NR3C2: variants seen among roughly 807,000 people sequenced by gnomAD.
NR3C2 encodes the protein nuclear receptor subfamily 3 group C member 2, also known as mineralocorticoid receptor.
Under a neutral mutation model 86.4 loss-of-function variants are expected in NR3C2, and 15 were observed. That is an observed-to-expected ratio of 0.17 (90% CI 0.12 to 0.27). NR3C2 has a LOEUF of 0.27. NR3C2 is among the 10% of genes least tolerant of loss of function. NR3C2 has a pLI of 1.00. For synonymous variants in NR3C2, 458 were observed against 450.5 expected, an observed-to-expected ratio of 1.02 and a Z score of -0.21; for missense variants, 960 against 1,195.6, an observed-to-expected ratio of 0.80 and a Z score of 2.91.
At chr4:148,381,442 C>A (rs1174991678) in intron 2 of NR3C2, among the ~76,000 whole-genome samples, 1 of 152,078 alleles carries the variant, frequency 6.6e-6, no homozygotes, top group Non-Finnish European at 1.5e-5. Flanking sequence ...CTTCTGTGAC[C>A]CTTCTACTTG....
At chr4:148,246,746 T>C (rs568684454) in intron 3 of NR3C2, among the ~76,000 whole-genome samples, 1 of 152,070 alleles carries the variant, frequency 6.6e-6, no homozygotes, top group African/African-American at 2.4e-5. Flanking sequence ...AGAGACAGGG[T>C]TTCACCATGT....
At chr4:148,263,835 TCTC>T (rs1740248004) in intron 2 of NR3C2, among the ~76,000 whole-genome samples, 1 of 152,134 alleles carries the variant, frequency 6.6e-6, no homozygotes, top group Admixed American at 6.5e-5. Context: ...CACTCTCCCT[TCTC>T]CTAACTCCTT....
chr4:148,233,974 C>T (rs1738601158), intron 3 of NR3C2, among the ~76,000 whole-genome samples: 1 of 152,068 alleles, frequency 6.6e-6, no homozygotes, highest in Non-Finnish European at 1.5e-5. Context: ...TGTCACAAAC[C>T]TTCAATCTGA....
intron 2 of NR3C2, among the ~76,000 whole-genome samples, chr4:148,317,319 C>T (rs983487192): frequency 2.9e-4 from 42 of 147,346 alleles, no homozygotes; most frequent in African/African-American, 1.0e-3. Flanking sequence ...CGCACCATTG[C>T]ACTTGAGCCT....
chr4:148,334,814 C>T (rs565841326), intron 2 of NR3C2, among the ~76,000 whole-genome samples: 3 of 152,228 alleles, frequency 2.0e-5, no homozygotes, highest in South Asian at 2.1e-4. Flanking sequence ...GCTAGAAGTC[C>T]GAGTTCGAGA....
chr4:148,283,473 G>A (rs1476657133), intron 2 of NR3C2, among the ~76,000 whole-genome samples: 2 of 152,134 alleles, frequency 1.3e-5, no homozygotes, highest in African/African-American at 4.8e-5. Context: ...AACTCTCAGT[G>A]TTTTTCCCAT....
In NR3C2 at chr4:148,089,252, C is replaced by T. The variant is rs546102821; in HGVS notation, c.2800-7753G>A. On this transcript the variant is annotated intron_variant, in intron 8 of 8. Transcript: ENST00000358102. ...GTCTGCAGAGTGGTATTTTCCTAAT[C>T]AGCTACCAAGGACTGTGGGGTTTAA... is the stretch of plus-strand genomic sequence containing the variant. 1.4e-3 allele frequency among the ~76,000 whole-genome samples: 215 copies of T among 152,314 alleles called. 2 individuals are homozygous for T. The highest frequency in any genetic ancestry group is 7.2e-4 in the Non-Finnish European group (49 of 68,034).
chr4:148,391,246 T>A (rs964421613), intron 2 of NR3C2, among the ~76,000 whole-genome samples: 1 of 152,238 alleles, frequency 6.6e-6, no homozygotes, highest in African/African-American at 2.4e-5. Flanking sequence ...GTAACAGTGC[T>A]TGAGTAACAC....
At chr4:148,189,236 T>A (rs982333838) in intron 4 of NR3C2, among the ~76,000 whole-genome samples, 2 of 152,160 alleles carry the variant, frequency 1.3e-5, no homozygotes, top group African/African-American at 4.8e-5. Context: ...GCTGGGAGTT[T>A]TAATCAAAAA....
At chr4:148,118,506 G>A (rs967114293) in intron 7 of NR3C2, among the ~76,000 whole-genome samples, 1 of 152,054 alleles carries the variant, frequency 6.6e-6, no homozygotes, top group Non-Finnish European at 1.5e-5. Flanking sequence ...TCTGGATGAT[G>A]GTAACCCCAC....
intron 2 of NR3C2, among the ~76,000 whole-genome samples, chr4:148,421,559 G>A (rs982662335): frequency 2.0e-5 from 3 of 152,010 alleles, no homozygotes; most frequent in East Asian, 1.9e-4. Flanking sequence ...TGGATTCAAC[G>A]CCTGGAAATA....
At chr4:148,412,198 C>G (rs1247131603) in intron 2 of NR3C2, among the ~76,000 whole-genome samples, 1 of 152,156 alleles carries the variant, frequency 6.6e-6, no homozygotes, top group African/African-American at 2.4e-5. Flanking sequence ...CAAGGCAGCA[C>G]TGACCATTGC....
intron 2 of NR3C2, among the ~76,000 whole-genome samples, chr4:148,366,711 C>G (rs1186202827): frequency 1.3e-5 from 2 of 151,924 alleles, no homozygotes; most frequent in Non-Finnish European, 2.9e-5. Flanking sequence ...TTTCTCTTTC[C>G]CCACATACTT....
At chr4:148,128,700 GAGTTTTAGGGGCT>G (rs1372238323) in intron 6 of NR3C2, among the ~76,000 whole-genome samples, 2 of 147,096 alleles carry the variant, frequency 1.4e-5, no homozygotes, top group Admixed American at 1.3e-4. Flanking sequence ...GTTCACCTTT[GAGTTTTAGGGGCT>G]AGTTTTAGGG....
Position 148,114,253 on chromosome 4 carries a change from C to T in NR3C2, c.2650G>A (p.Asp884Asn), listed in dbSNP as rs765471749. Reference sequence around the variant, plus strand: ...AATGCAGCCTGGCTTTTGAGGCCATCCTTTGGAACTGTGTTAAGGAAAACA... The same window carrying T: ...AATGCAGCCTGGCTTTTGAGGCCATTCTTTGGAACTGTGTTAAGGAAAACA... ...VLLLLSTIPKDGLKSQAAFEE... is the reference protein window; with the variant it reads ...VLLLLSTIPKNGLKSQAAFEE... Residue 884 changes from aspartate (D) to asparagine (N), a missense_variant, in exon 8 of 9, where the codon GAT becomes AAT. Coordinates refer to ENST00000358102, the MANE Select transcript of NR3C2 (RefSeq NM_000901.5). The T allele has an allele frequency of 8.1e-6, 13 of 1,613,864 alleles. No individual in the cohort carries two copies. The South Asian group carries it at 1.3e-4, about 16-fold the overall frequency.
chr4:148,127,712 C>T (rs529398898), intron 6 of NR3C2, among the ~76,000 whole-genome samples: 5 of 152,176 alleles, frequency 3.3e-5, no homozygotes, highest in Non-Finnish European at 7.3e-5. Flanking sequence ...ATAAACACAG[C>T]AGCCAAAGTG....
rs1485410774 is a variant in NR3C2, at chr4:148,199,188, C to T, written c.1898-4326G>A. The stretch of plus-strand genomic sequence containing the variant: ...AGCGTCCTGTGGGAGCAGAATGTCG[C>T]CTTTGAGTAGGAAGGCCTCTAGATG... On this transcript the variant is annotated intron_variant, in intron 3 of 8. Transcript: ENST00000358102. Among the ~76,000 whole-genome samples, 5 of 151,750 alleles carry T rather than the reference C, an allele frequency of 3.3e-5. No homozygotes were observed. The East Asian group carries it at 9.7e-4, about 29-fold the overall frequency.
At chr4:148,407,031 C>A (rs1438870753) in intron 2 of NR3C2, among the ~76,000 whole-genome samples, 1 of 152,140 alleles carries the variant, frequency 6.6e-6, no homozygotes, top group Non-Finnish European at 1.5e-5. Flanking sequence ...TACAGAAGTG[C>A]CAGGCACTGC....
chr4:148,361,029 C>T (rs1579204920), intron 2 of NR3C2, among the ~76,000 whole-genome samples: 2 of 152,184 alleles, frequency 1.3e-5, no homozygotes, highest in East Asian at 3.9e-4. Flanking sequence ...GTGTTTTTTC[C>T]CCTACTAGAT....
Sources: gnomAD v4.1 joint callset for allele counts (sites outside exome capture counted in the v4.1 genomes callset) on GRCh38, gnomAD v4.1.1 for gene constraint, MANE v1.5 for transcripts, NCBI Gene and HGNC (gene_info 2026-07-23, HGNC 2026-07-21) for gene names.